RESF1: variants seen among roughly 807,000 people sequenced by gnomAD.
RESF1 encodes gonad expressed transcript.
In RESF1, 65 loss-of-function variants were observed where a neutral mutation model predicts 134.7. The observed-to-expected ratio is 0.48, with a 90% confidence interval of 0.40 to 0.59. The LOEUF (loss-of-function observed/expected upper bound fraction) is 0.59. Ranked by LOEUF, RESF1 falls within the 20% of genes least tolerant of loss-of-function variation. The pLI, the probability that RESF1 is intolerant of heterozygous loss-of-function variation, is 0.00. For synonymous variants in RESF1, 762 were observed against 702.2 expected (o/e 1.09, Z -1.35); for missense variants, 2,274 against 2,002.7 (o/e 1.14, Z -2.59).
intron 2 of RESF1, among the ~76,000 whole-genome samples, chr12:31,964,585 C>T (rs577496780): frequency 6.6e-6 from 1 of 152,302 alleles, no homozygotes; most frequent in South Asian, 2.1e-4. Context: ...TAGACATGCA[C>T]AATTTTATAC....
At chr12:31,990,144 A>AATCC (rs1485339085) in intron 5 of RESF1, among the ~76,000 whole-genome samples, 1 of 152,220 alleles carries the variant, frequency 6.6e-6, no homozygotes, top group Non-Finnish European at 1.5e-5. Context: ...GAAGCTGAAA[A>AATCC]CACTCAAAAG....
chr12:31,989,716 G>T lies in RESF1; in HGVS notation c.5086+2394G>T, dbSNP rs571713389. ...AAAATATAAAAATTAGTCAGGTGTA[G>T]TGGCACATGCCTGTAATACCAGCTA... is the stretch of plus-strand genomic sequence containing the variant. On this transcript the variant is annotated intron_variant, in intron 5 of 5. Coordinates refer to ENST00000312561, the MANE Select transcript of RESF1 (RefSeq NM_018169.4). Among the ~76,000 whole-genome samples, 4 of 152,266 alleles carry T rather than the reference G, an allele frequency of 2.6e-5. No homozygotes were observed. In the East Asian group the frequency reaches 7.7e-4, roughly 29 times the overall value.
At chr12:31,964,764 A>G (rs192651725) in intron 2 of RESF1, among the ~76,000 whole-genome samples, 112 of 152,302 alleles carry the variant, frequency 7.4e-4, no homozygotes, top group Non-Finnish European at 1.4e-3. Context: ...AGAAGTATCT[A>G]TTCAAAACTT....
rs1565845598 is a variant in RESF1, at chr12:31,982,775, A to C, written c.1820A>C (p.Gln607Pro). 6.2e-7 allele frequency: 1 copy of C among 1,614,010 alleles called. No homozygotes were observed. The highest frequency in any genetic ancestry group is 1.7e-5 in the Admixed American group (1 of 59,988). Residue 607 changes from glutamine to proline, a missense_variant, in exon 4 of 6, where the codon CAG (glutamine) becomes CCG (proline). Transcript: ENST00000312561. ...TVLKDANQTIQDSKPDSCEMN... is the reference protein window; with the variant it reads ...TVLKDANQTIPDSKPDSCEMN... ...TTAAAAGATGCTAATCAAACTATTC[A>C]GGATTCTAAACCAGACAGTTGTGAA...
chr12:31,984,968 CA>C lies in RESF1; in HGVS notation c.4014del (p.Ala1339LeufsTer24). The C allele has an allele frequency of 6.2e-7, 1 of 1,613,094 alleles. No homozygotes were observed. Among genetic ancestry groups the C allele is most frequent in the Non-Finnish European group, 8.5e-7 (1 of 1,179,762 alleles). Reference sequence around the variant, plus strand: ...AACTCACGTCCACTAAAAACAAAAACAGCTTTTTTGCCAAATAAAGATGTGT... The same window carrying C: ...AACTCACGTCCACTAAAAACAAAAACGCTTTTTTGCCAAATAAAGATGTGT... ...TQNSRPLKTK[T>X]AFLPNKDVYK... On this transcript the variant is annotated frameshift_variant, in exon 4 of 6. Coordinates refer to ENST00000312561, the MANE Select transcript of RESF1 (RefSeq NM_018169.4). LOFTEE classifies it high-confidence loss of function.
Position 31,981,337 on chromosome 12 carries a change from G to A in RESF1, c.382G>A (p.Val128Met). The change falls in exon 4 of 6, where the codon GTG becomes ATG. Residue 128 changes from valine (V) to methionine (M), a missense_variant. Physicochemically the swap from Val to Met is conservative, Grantham distance 21. Coordinates refer to ENST00000312561, the MANE Select transcript of RESF1 (RefSeq NM_018169.4). The stretch of plus-strand genomic sequence containing the variant: ...GTTGAACTCACCAATGAGGAATCCT[G>A]TGCATTCTCATATAGGGGCAACTGT... The part of the protein sequence containing the change: ...VWLNSPMRNP[V>M]HSHIGATVSH... 2 of 1,614,086 alleles carry A rather than the reference G, an allele frequency of 1.2e-6. No individual in the cohort carries two copies. Among genetic ancestry groups the A allele is most frequent in the Non-Finnish European group, 1.7e-6 (2 of 1,180,008 alleles).
chr12:31,969,721 C>G (rs1939467620), intron 2 of RESF1, among the ~76,000 whole-genome samples: 1 of 152,112 alleles, frequency 6.6e-6, no homozygotes, highest in Non-Finnish European at 1.5e-5. Flanking sequence ...TCACCACTGC[C>G]TCAACCCCCT....
chr12:31,985,877 T>G lies in RESF1; in HGVS notation c.4922T>G (p.Ile1641Ser). ...CTGGAGTTTAAATTATGTCCAGATA[T>G]CTTACTAAAGAATACAAACTCTGTG... is the stretch of plus-strand genomic sequence containing the variant. ...NMLEFKLCPD[I>S]LLKNTNSVEE... The change falls in exon 4 of 6, where the codon ATC (isoleucine) becomes AGC (serine). Residue 1641 changes from isoleucine (I) to serine (S), a missense_variant. Coordinates refer to ENST00000312561, the MANE Select transcript of RESF1 (RefSeq NM_018169.4). 3.2e-6 allele frequency: 5 copies of G among 1,544,548 alleles called. No individual in the cohort carries two copies. The highest frequency in any genetic ancestry group is 4.3e-6 in the Non-Finnish European group (5 of 1,154,760).
Position 31,985,327 on chromosome 12 carries a change from G to A in RESF1, c.4372G>A (p.Ala1458Thr). The part of the protein sequence containing the change: ...EYLQRQKHKE[A>T]LSNKASKKIC... ...TTTACAAAGGCAGAAGCATAAAGAA[G>A]CTCTGAGTAATAAAGCATCGAAGAA... The change falls in exon 4 of 6, where the codon GCT becomes ACT. Residue 1458 changes from alanine (A) to threonine (T), a missense_variant. Coordinates refer to ENST00000312561, the MANE Select transcript of RESF1 (RefSeq NM_018169.4). 1.8e-5 allele frequency: 29 copies of A among 1,611,992 alleles called. No homozygotes were observed. The highest frequency in any genetic ancestry group is 2.4e-5 in the Non-Finnish European group (28 of 1,179,594).
At chr12:31,986,202 C>T (rs963995333) in intron 4 of RESF1, among the ~76,000 whole-genome samples, 2 of 152,022 alleles carry the variant, frequency 1.3e-5, no homozygotes, top group African/African-American at 2.4e-5. Context: ...GTAAAACTTG[C>T]CAGATAGAAA....
rs565543052 is a variant in RESF1 at position 31,962,109 on chromosome 12, G to T, written c.-247+1238G>T. ...AAATTAGTCGGGCGTGGTGGCACAT[G>T]CCTGTAATCCTAGCTACTCAAGTGG... On this transcript the variant is annotated intron_variant, in intron 2 of 5. Transcript: ENST00000312561. Among the ~76,000 whole-genome samples, 6 of 152,036 alleles carry T rather than the reference G, an allele frequency of 3.9e-5. No individual in the cohort carries two copies. In the East Asian group the frequency reaches 9.7e-4, roughly 25 times the overall value.
At chr12:31,974,689 G>A (rs565003103) in intron 3 of RESF1, among the ~76,000 whole-genome samples, 3 of 152,208 alleles carry the variant, frequency 2.0e-5, no homozygotes, top group African/African-American at 4.8e-5. Context: ...ATTTTGGGGA[G>A]GGTACAATTC....
intron 3 of RESF1, among the ~76,000 whole-genome samples, chr12:31,979,149 T>A (rs1373027366): frequency 1.3e-5 from 2 of 152,160 alleles, no homozygotes; most frequent in African/African-American, 4.8e-5. Context: ...CTCGATCTCC[T>A]GACCTCATGA....
rs554465488 is a variant in RESF1, at chr12:31,986,263, C to T, written c.5002+306C>T. Among the ~76,000 whole-genome samples the T allele has an allele frequency of 3.3e-5, 5 of 152,230 alleles. No individual in the cohort carries two copies. In the South Asian group the frequency reaches 1.0e-3, roughly 32 times the overall value. ...GTACTGTGAAAAACATTCCACATTC[C>T]TTGTGGGAATGTCAGAAAAGTGTCA... On this transcript the variant is annotated intron_variant, in intron 4 of 5. Coordinates refer to ENST00000312561, the MANE Select transcript of RESF1 (RefSeq NM_018169.4).
chr12:31,971,115 C>A (rs117622358), intron 3 of RESF1, among the ~76,000 whole-genome samples: 11 of 152,142 alleles, frequency 7.2e-5, no homozygotes, highest in Non-Finnish European at 1.3e-4. Flanking sequence ...TTGTCTTAGT[C>A]TGTTTTGTCT....
rs764189384 is a variant in RESF1, at chr12:31,983,005, C to T, written c.2050C>T (p.Pro684Ser). Residue 684 changes from proline to serine, a missense_variant, in exon 4 of 6, where the codon CCT becomes TCT. Coordinates refer to ENST00000312561, the MANE Select transcript of RESF1 (RefSeq NM_018169.4). ...CTGTCTTTCCCTGTGGAAAAAGCAA[C>T]CTTCAGATACTGCAAAAGAAAAGGA... ...ATCLSLWKKQ[P>S]SDTAKEKECD... 1.9e-6 allele frequency: 3 copies of T among 1,614,072 alleles called. No individual in the cohort carries two copies. In the South Asian group the frequency reaches 3.3e-5, roughly 18 times the overall value.
At chr12:31,967,253 C>T (rs1223429584) in intron 2 of RESF1, among the ~76,000 whole-genome samples, 1 of 152,170 alleles carries the variant, frequency 6.6e-6, no homozygotes, top group African/African-American at 2.4e-5. Context: ...ACTGCAGTTA[C>T]AGAAGCATAG....
intron 4 of RESF1, among the ~76,000 whole-genome samples, chr12:31,986,676 A>G (rs982898109): frequency 6.6e-6 from 1 of 152,228 alleles, no homozygotes; most frequent in Non-Finnish European, 1.5e-5. Flanking sequence ...TACTAAGGGA[A>G]CATTTAGACA....
At chr12:31,968,512 T>C (rs1049638187) in intron 2 of RESF1, among the ~76,000 whole-genome samples, 6 of 151,600 alleles carry the variant, frequency 4.0e-5, no homozygotes, top group Admixed American at 3.3e-4. Flanking sequence ...GCAGTGGCGC[T>C]ATCCCGGCTC....
Sources: gnomAD v4.1 joint callset for allele counts (sites outside exome capture counted in the v4.1 genomes callset) on GRCh38, gnomAD v4.1.1 for gene constraint, MANE v1.5 for transcripts, NCBI Gene and HGNC (gene_info 2026-07-23, HGNC 2026-07-21) for gene names.